ADCY3: variants seen among roughly 807,000 people sequenced by gnomAD.
ADCY3 encodes the protein adenylate cyclase type 3.
In ADCY3, 70 loss-of-function variants were observed where a neutral mutation model predicts 119.4. The ratio of observed to expected loss-of-function variants is 0.59; its 90% CI spans 0.48 to 0.72. ADCY3 has a LOEUF of 0.72. ADCY3 is among the 30% of genes least tolerant of loss of function. The pLI, the probability that ADCY3 is intolerant of heterozygous loss-of-function variation, is 0.00. For synonymous variants in ADCY3, 672 were observed against 621.4 expected (o/e 1.08, Z -1.21); for missense variants, 1,238 against 1,541.6 (o/e 0.80, Z 3.30).
chr2:24,821,747 G>A, intron 19 of ADCY3, 107 bp from the exon 20 acceptor site: 2 of 1,471,680 alleles, frequency 1.4e-6, no homozygotes, highest in Admixed American at 2.1e-5. Flanking sequence ...ACACCTAGAT[G>A]TTCAAGGCCT....
intron 6 of ADCY3, among the ~76,000 whole-genome samples, chr2:24,840,873 G>C (rs2148570272): frequency 6.6e-6 from 1 of 152,378 alleles, no homozygotes; most frequent in East Asian, 1.9e-4. Flanking sequence ...GAGATGGAGA[G>C]GGCAGTGCCT....
chr2:24,844,455 A>G (rs901286520), intron 3 of ADCY3, among the ~76,000 whole-genome samples: 3 of 152,120 alleles, frequency 2.0e-5, no homozygotes, highest in Admixed American at 2.0e-4. Flanking sequence ...GCAGGGGGGC[A>G]CCATGCAAGT....
At chr2:24,881,580 A>G (rs992447991) in intron 2 of ADCY3, among the ~76,000 whole-genome samples, 15 of 152,214 alleles carry the variant, frequency 9.9e-5, no homozygotes, top group Admixed American at 4.6e-4. Context: ...AGGATGCAGT[A>G]AGTACCTGAG....
chr2:24,856,826 C>A (rs1673053639), intron 3 of ADCY3, among the ~76,000 whole-genome samples: 1 of 152,198 alleles, frequency 6.6e-6, no homozygotes. Flanking sequence ...ATGGGTGGGG[C>A]AATGGTCACA....
chr2:24,836,196 C>A (rs1157332540), intron 9 of ADCY3, among the ~76,000 whole-genome samples: 2 of 152,138 alleles, frequency 1.3e-5, no homozygotes, highest in Admixed American at 1.3e-4. Flanking sequence ...GAGTCTGGAC[C>A]CCCACTTTCT....
rs930020542 is a variant in ADCY3, at chr2:24,852,848, G to A, written c.826-10464C>T. Among the ~76,000 whole-genome samples the A allele has an allele frequency of 2.0e-5, 3 of 152,336 alleles. No individual in the cohort carries two copies. The South Asian group carries it at 6.2e-4, about 32-fold the overall frequency. On this transcript the variant is annotated intron_variant, in intron 3 of 21. Coordinates refer to ENST00000679454, the MANE Select transcript of ADCY3 (RefSeq NM_004036.5). ...GCCGAGCCCATCCCCAGGACTTCAGGCTGCCCTACCCAGAGTGTGGCTGGT... is the reference window on the plus strand; with the variant it reads ...GCCGAGCCCATCCCCAGGACTTCAGACTGCCCTACCCAGAGTGTGGCTGGT...
rs1174882238 is a variant in ADCY3, at chr2:24,824,873, G to C, written c.2578-337C>G. On this transcript the variant is annotated intron_variant, in intron 16 of 21. Transcript: ENST00000679454. ...CCACTGCACTCCAGCCTGGGCAAAA[G>C]AGTGAGACTCAGTCTCAAAAAAAGA... 2.0e-5 allele frequency among the ~76,000 whole-genome samples: 3 copies of C among 152,196 alleles called. No individual in the cohort carries two copies. In the South Asian group the frequency reaches 6.2e-4, roughly 31 times the overall value.
intron 2 of ADCY3, among the ~76,000 whole-genome samples, chr2:24,907,680 C>T (rs1663035489): frequency 1.3e-5 from 2 of 152,234 alleles, no homozygotes; most frequent in South Asian, 4.1e-4. Flanking sequence ...GCAAGTGACA[C>T]ATAAATAAAA....
At chr2:24,866,003 C>T (rs76428491) in intron 3 of ADCY3, among the ~76,000 whole-genome samples, 2,646 of 152,174 alleles carry the variant, frequency 0.017, 73 homozygotes, top group African/African-American at 0.06. Context: ...GCTAAGACCC[C>T]GGGGAAAGAG....
chr2:24,825,354 GGGGGGTGT>G (rs1668468417), intron 16 of ADCY3, among the ~76,000 whole-genome samples: 1 of 64,726 alleles, frequency 1.5e-5, no homozygotes, highest in Admixed American at 1.7e-4. Context: ...GGGGGTGCGG[GGGGGGTGT>G]CTCACTTTGT....
intron 3 of ADCY3, among the ~76,000 whole-genome samples, chr2:24,867,397 G>A (rs1316509359): frequency 6.6e-6 from 1 of 152,208 alleles, no homozygotes; most frequent in Non-Finnish European, 1.5e-5. Context: ...TTTAAGAGGG[G>A]ATCAGGCCAT....
intron 2 of ADCY3, among the ~76,000 whole-genome samples, chr2:24,880,910 G>A (rs1342228214): frequency 6.6e-6 from 1 of 152,076 alleles, no homozygotes; most frequent in Non-Finnish European, 1.5e-5. Context: ...AGCTATTCGG[G>A]AGGCTGAGGC....
chr2:24,856,616 G>A lies in ADCY3; in HGVS notation c.826-14232C>T, dbSNP rs1673031967. The stretch of plus-strand genomic sequence containing the variant: ...AAACAGCTCACCTCTCCCGGATGAG[G>A]GGACGAAGTACCACAATGTGTGAAA... On this transcript the variant is annotated intron_variant, in intron 3 of 21. Coordinates refer to ENST00000679454, the MANE Select transcript of ADCY3 (RefSeq NM_004036.5). Among the ~76,000 whole-genome samples, 3 of 152,294 alleles carry A rather than the reference G, an allele frequency of 2.0e-5. 1 individual carries two copies. The South Asian group carries it at 6.2e-4, about 32-fold the overall frequency.
At position 24,872,483 on chromosome 2, in the gene ADCY3, G is replaced by C. The variant is rs1402957881; in HGVS notation, c.825+87C>G. ...ATGAACGCCAAGCCCCACGGAGCCA[G>C]GGGCTGCCGCTCTGGTTCCTCTCCC... On this transcript the variant is annotated intron_variant, in intron 3 of 21. Coordinates refer to ENST00000679454, the MANE Select transcript of ADCY3 (RefSeq NM_004036.5). This position sits in a 1 kb window ranked among gnomAD's most constrained non-coding sequence, Gnocchi z 4.4. The C allele has an allele frequency of 1.3e-6, 2 of 1,513,144 alleles. No individual in the cohort carries two copies. Among genetic ancestry groups the C allele is most frequent in the Non-Finnish European group, 1.8e-6 (2 of 1,122,244 alleles). The allele number at this position is 1,513,144 out of a possible 1,614,324, so 93.7% of individuals were successfully genotyped here.
chr2:24,861,716 C>T (rs1033243804), intron 3 of ADCY3, among the ~76,000 whole-genome samples: 2 of 152,234 alleles, frequency 1.3e-5, no homozygotes, highest in African/African-American at 2.4e-5. Context: ...CTCCCAACGT[C>T]AGCCCCAATG....
intron 16 of ADCY3, 93 bp downstream of exon 16, chr2:24,825,952 C>T (rs555446188): frequency 5.0e-5 from 63 of 1,257,748 alleles, no homozygotes; most frequent in Non-Finnish European, 6.9e-5. Context: ...AGCCCCATTC[C>T]TTAGGAGCTT....
At chr2:24,836,198 C>G (rs1670310948) in intron 9 of ADCY3, among the ~76,000 whole-genome samples, 1 of 152,164 alleles carries the variant, frequency 6.6e-6, no homozygotes, top group Non-Finnish European at 1.5e-5. Context: ...GTCTGGACCC[C>G]CACTTTCTAT....
chr2:24,827,323 T>TGC (rs932623885), intron 15 of ADCY3, among the ~76,000 whole-genome samples: 21 of 152,238 alleles, frequency 1.4e-4, no homozygotes, highest in African/African-American at 5.1e-4. Flanking sequence ...CTGTCTGTCC[T>TGC]GCCAGCCAGT....
chr2:24,824,191 AG>A (rs1668259189), intron 17 of ADCY3, among the ~76,000 whole-genome samples, 186 bp downstream of exon 17: 1 of 152,246 alleles, frequency 6.6e-6, no homozygotes, highest in African/African-American at 2.4e-5. Context: ...TGCCTACAGC[AG>A]TGCACTTTAT....
Sources: gnomAD v4.1 joint callset for allele counts (sites outside exome capture counted in the v4.1 genomes callset) on GRCh38, gnomAD v4.1.1 for gene constraint, Gnocchi (gnomAD v3.1) non-coding constraint, MANE v1.5 for transcripts, NCBI Gene and HGNC (gene_info 2026-07-23, HGNC 2026-07-21) for gene names.